SYNE2: variants seen among roughly 807,000 people sequenced by gnomAD.
The protein encoded by SYNE2 is spectrin repeat containing nuclear envelope protein 2, also known as nesprin-2.
A neutral mutation model predicts 856.3 loss-of-function variants in SYNE2; 431 were observed. That is an observed-to-expected ratio of 0.50 (90% CI 0.47 to 0.55). The LOEUF (loss-of-function observed/expected upper bound fraction) is 0.55, where lower values mean the gene tolerates loss of function less well. SYNE2 is among the 20% of genes least tolerant of loss of function. The pLI is 0.00. For missense variants in SYNE2, 8,129 were observed against 8,023.2 expected (o/e 1.01, Z -0.50); for synonymous variants, 2,923 against 2,872.3 (o/e 1.02, Z -0.56).
rs2098629100 is a variant in SYNE2, at chr14:64,209,513, G to A, written c.18475G>A (p.Ala6159Thr). Residue 6159 changes from alanine to threonine, a missense_variant, in exon 102 of 116, where the codon GCA becomes ACA. Ala to Thr is a moderately conservative substitution (Grantham distance 58). Coordinates refer to ENST00000555002, the MANE Select transcript of SYNE2 (RefSeq NM_182914.3). Reference protein sequence around the residue: ...EDWLKSAERTAACPNSSEVLY... With the variant: ...EDWLKSAERTTACPNSSEVLY... ...CTGGCTCAAGTCAGCTGAGAGGACG[G>A]CAGCCTGCCCAAATTCCTCAGAGGT... is the stretch of plus-strand genomic sequence containing the variant. The A allele has an allele frequency of 6.2e-7, 1 of 1,614,106 alleles. No homozygotes were observed. The highest frequency in any genetic ancestry group is 1.3e-5 in the African/African-American group (1 of 74,944).
intron 94 of SYNE2, among the ~76,000 whole-genome samples, chr14:64,173,611 T>C (rs1230738789): frequency 1.3e-5 from 2 of 152,156 alleles, no homozygotes; most frequent in Non-Finnish European, 2.9e-5. Context: ...TATTTATTTA[T>C]TTACTTATTT....
intron 1 of SYNE2, among the ~76,000 whole-genome samples, chr14:63,907,536 G>A (rs1953241): frequency 0.76 from 116,248 of 152,038 alleles, 44,636 homozygotes; most frequent in South Asian, 0.8. Flanking sequence ...CAAAGTGCTT[G>A]TAACAGTGCC....
rs148044564 is a variant in SYNE2 at position 63,863,967 on chromosome 14, G to A, written c.-52+10824G>A. Among the ~76,000 whole-genome samples, 182 of 152,136 alleles carry A rather than the reference G, an allele frequency of 1.2e-3. 5 individuals are homozygous for A. The East Asian group carries it at 0.029, about 25-fold the overall frequency. On this transcript the variant is annotated intron_variant, in intron 1 of 115. Transcript: ENST00000555002. The stretch of plus-strand genomic sequence containing the variant: ...CTCCTGAATAGCTGGGATTACAGGC[G>A]CACGGCACCACGCTTGACTAATTTT...
intron 51 of SYNE2, among the ~76,000 whole-genome samples, chr14:64,066,369 A>G (rs1255081603): frequency 1.3e-5 from 2 of 152,098 alleles, no homozygotes; most frequent in Admixed American, 6.5e-5. Context: ...ATGGTGGCAC[A>G]TGCCTGTAGT....
chr14:63,899,780 G>A (rs917247749), intron 1 of SYNE2, among the ~76,000 whole-genome samples: 1 of 152,218 alleles, frequency 6.6e-6, no homozygotes, highest in African/African-American at 2.4e-5. Context: ...GGGATTACAG[G>A]CGTGAGCCAC....
chr14:64,172,759 CT>C (rs1259329122), intron 94 of SYNE2, among the ~76,000 whole-genome samples: 1 of 151,894 alleles, frequency 6.6e-6, no homozygotes, highest in Non-Finnish European at 1.5e-5. Context: ...AGTGAGACCC[CT>C]GTCTCTACAA....
intron 30 of SYNE2, among the ~76,000 whole-genome samples, chr14:64,005,505 T>C (rs2096789430): frequency 6.6e-6 from 1 of 152,226 alleles, no homozygotes; most frequent in Non-Finnish European, 1.5e-5. Flanking sequence ...TGCTCTTGGC[T>C]TTCATTGTCC....
intron 8 of SYNE2, among the ~76,000 whole-genome samples, chr14:63,955,633 A>G (rs931530769): frequency 2.0e-5 from 3 of 152,150 alleles, no homozygotes; most frequent in South Asian, 2.1e-4. Flanking sequence ...TCTCAGCTCT[A>G]TTACTGGGGT....
At chr14:63,781,370 C>T (rs985696733) in intron 1 of SYNE2, among the ~76,000 whole-genome samples, 3 of 151,742 alleles carry the variant, frequency 2.0e-5, no homozygotes, top group Non-Finnish European at 4.4e-5. Context: ...TATTGAAATT[C>T]ATGAGATTTG....
chr14:63,974,596 T>C (rs1249687265), intron 11 of SYNE2, among the ~76,000 whole-genome samples: 2 of 151,598 alleles, frequency 1.3e-5, no homozygotes, highest in Non-Finnish European at 1.5e-5. Context: ...TCTCGCTCTG[T>C]TGCCCAGGCT....
At chr14:64,073,247 C>T (rs2097427244) in intron 52 of SYNE2, among the ~76,000 whole-genome samples, 1 of 152,064 alleles carries the variant, frequency 6.6e-6, no homozygotes, top group Admixed American at 6.5e-5. Context: ...TAGTTGGTTC[C>T]CCTGGCAACC....
chr14:64,200,348 C>T (rs2098556571), intron 99 of SYNE2, among the ~76,000 whole-genome samples: 1 of 152,104 alleles, frequency 6.6e-6, no homozygotes, highest in South Asian at 2.1e-4. Flanking sequence ...GAGCCCTTCC[C>T]CCACCCCCGG....
At chr14:64,205,126 G>C (rs2098599028) in intron 100 of SYNE2, among the ~76,000 whole-genome samples, 1 of 152,132 alleles carries the variant, frequency 6.6e-6, no homozygotes, top group Non-Finnish European at 1.5e-5. Flanking sequence ...CCTATTTCAA[G>C]GTCAGCTGAT....
Position 64,053,644 on chromosome 14 carries a change from T to C in SYNE2, c.9731T>C (p.Ile3244Thr). The change falls in exon 48 of 116, where the codon ATT becomes ACT. Residue 3244 changes from isoleucine (I) to threonine (T), a missense_variant. Coordinates refer to ENST00000555002, the MANE Select transcript of SYNE2 (RefSeq NM_182914.3). ...EDLQMQLNTS[I>T]DLRTNVLNDA... is the part of the protein sequence containing the mutation. ...CTTCAGATGCAGCTTAACACAAGCA[T>C]TGATTTGCGCACAGTAAGTTTTAAA... The C allele has an allele frequency of 1.9e-6, 3 of 1,613,494 alleles. No individual in the cohort carries two copies. Among genetic ancestry groups the C allele is most frequent in the South Asian group, 1.1e-5 (1 of 90,956 alleles).
intron 57 of SYNE2, among the ~76,000 whole-genome samples, chr14:64,086,426 G>T (rs981458441): frequency 3.9e-5 from 6 of 152,130 alleles, no homozygotes; most frequent in African/African-American, 9.7e-5. Context: ...TTGAAATCAG[G>T]TAGCATCAAT....
At chr14:64,048,997 A>G (rs1431454105) in intron 46 of SYNE2, 1 of 152,196 alleles carries the variant, frequency 6.6e-6, no homozygotes, top group East Asian at 1.9e-4. Flanking sequence ...AAAATAGGAA[A>G]GATGGGTGAT....
At chr14:63,906,273 GT>G (rs202003189) in intron 1 of SYNE2, among the ~76,000 whole-genome samples, 2,222 of 152,150 alleles carry the variant, frequency 0.015, 49 homozygotes, top group African/African-American at 0.05. Context: ...TTCTTTTTTA[GT>G]TGTGTCTTTG....
At chr14:63,879,283 C>T (rs2094803441) in intron 1 of SYNE2, among the ~76,000 whole-genome samples, 1 of 152,154 alleles carries the variant, frequency 6.6e-6, no homozygotes, top group Non-Finnish European at 1.5e-5. Flanking sequence ...GAGAATGACT[C>T]CTCTAGCAAG....
At chr14:63,772,692 G>A (rs1474032973) in intron 1 of SYNE2, among the ~76,000 whole-genome samples, 2 of 151,770 alleles carry the variant, frequency 1.3e-5, no homozygotes, top group Non-Finnish European at 1.5e-5. Context: ...TCAGGGAGCC[G>A]AGACCATTCC....
Sources: allele counts gnomAD v4.1 joint callset (sites outside exome capture counted in the v4.1 genomes callset), GRCh38; gene constraint gnomAD v4.1.1; transcripts MANE v1.5; gene names NCBI Gene and HGNC (gene_info 2026-07-23, HGNC 2026-07-21).